RAB40C: variants seen among roughly 807,000 people sequenced by gnomAD.
RAB40C encodes ras-related protein Rab-40C.
RAB40C carries 8 observed loss-of-function variants against 28.1 expected under a neutral mutation model. The ratio of observed to expected loss-of-function variants is 0.28; its 90% CI spans 0.17 to 0.51. The LOEUF (loss-of-function observed/expected upper bound fraction) is 0.51, where lower values mean the gene tolerates loss of function less well. Ranked by LOEUF, RAB40C falls within the 20% of genes least tolerant of loss-of-function variation. The pLI, the probability that RAB40C is intolerant of heterozygous loss-of-function variation, is 0.97. For synonymous variants in RAB40C, 201 were observed against 171.7 expected (o/e 1.17, Z -1.34); for missense variants, 288 against 405.9 (o/e 0.71, Z 2.50).
chr16:600,351 A>G (rs2036223019), intron 1 of RAB40C, among the ~76,000 whole-genome samples: 1 of 152,250 alleles, frequency 6.6e-6, no homozygotes, highest in Non-Finnish European at 1.5e-5. Context: ...TATATGCAAA[A>G]TAGTAGTCAT....
intron 1 of RAB40C, 80 bp downstream of exon 1, chr16:590,513 GCCCTTCCA>G: frequency 1.4e-6 from 2 of 1,381,552 alleles, no homozygotes; most frequent in Non-Finnish European, 1.9e-6. Context: ...CCTCGGCCCG[GCCCTTCCA>G]AGCGCCGCCG....
intron 1 of RAB40C, among the ~76,000 whole-genome samples, chr16:601,429 C>T (rs909569398): frequency 4.6e-5 from 7 of 152,082 alleles, no homozygotes; most frequent in South Asian, 2.1e-4. Flanking sequence ...GCCCGGGTCG[C>T]CAGGATCCGG....
chr16:617,388 C>T, intron 2 of RAB40C, 120 bp downstream of exon 2: 1 of 1,162,814 alleles, frequency 8.6e-7, no homozygotes, highest in Non-Finnish European at 1.3e-6. Flanking sequence ...GAGCCACTTA[C>T]ACAGCCCCTG....
At chr16:618,144 G>A (rs1269788516) in intron 2 of RAB40C, 56 bp from the exon 3 acceptor site, 2 of 1,554,504 alleles carry the variant, frequency 1.3e-6, no homozygotes, top group Non-Finnish European at 1.8e-6. Flanking sequence ...GAGGGAAGGA[G>A]GTGAGCCTCT....
Position 590,207 on chromosome 16 carries a change from G to A in RAB40C, c.-85G>A. 1 of 1,075,220 alleles carries A rather than the reference G, an allele frequency of 9.3e-7. No individual in the cohort carries two copies. Among genetic ancestry groups the A allele is most frequent in the Non-Finnish European group, 1.2e-6 (1 of 868,654 alleles). The allele number at this position is 1,075,220 out of a possible 1,614,324, so 66.6% of individuals were successfully genotyped here. ...CGTGGGGCGGACGCAACGGGCGCAG[G>A]TGCGGGGCGCGGGCTCTCTCACGCC... is the stretch of plus-strand genomic sequence containing the variant. On this transcript the variant is annotated 5_prime_UTR_variant, in exon 1 of 6. The change creates a new upstream start codon in the 5' untranslated region. Transcript: ENST00000248139.
At chr16:621,328 C>T (rs2151078738) in intron 3 of RAB40C, among the ~76,000 whole-genome samples, 2 of 152,358 alleles carry the variant, frequency 1.3e-5, no homozygotes, top group African/African-American at 4.8e-5. Context: ...AGGTTTGCAG[C>T]AGGGTTTCTC....
In RAB40C at chr16:627,843, G is replaced by C; in HGVS notation, c.*221G>C. ...GCGGCTGGGCTGCTGGTGCTTCCGGGAATCTTGGTCGGAAACAAGCCGGGC... is the reference window on the plus strand; with the variant it reads ...GCGGCTGGGCTGCTGGTGCTTCCGGCAATCTTGGTCGGAAACAAGCCGGGC... On this transcript the variant is annotated 3_prime_UTR_variant, in exon 6 of 6. Transcript: ENST00000248139. 1 of 500,968 alleles carries C rather than the reference G, an allele frequency of 2.0e-6. No individual in the cohort carries two copies. 31.0% of individuals were successfully genotyped at this position (500,968 alleles called of 1,614,324 possible).
intron 3 of RAB40C, chr16:624,283 C>A: frequency 1.0e-6 from 1 of 985,444 alleles, no homozygotes; most frequent in South Asian, 4.7e-5. Flanking sequence ...CCTCCCCCAG[C>A]AGCAAATGAG....
chr16:627,952 T>C lies in RAB40C; in HGVS notation c.*330T>C. Reference sequence around the variant, plus strand: ...AGAGAACACTTCACTTTTTTGTACATTTTTAAGGGGCCTTCAGGGAAGCCT... The same window carrying C: ...AGAGAACACTTCACTTTTTTGTACACTTTTAAGGGGCCTTCAGGGAAGCCT... On this transcript the variant is annotated 3_prime_UTR_variant, in exon 6 of 6. Transcript: ENST00000248139. The C allele has an allele frequency of 3.5e-6, 1 of 283,176 alleles. No homozygotes were observed. 17.5% of individuals were successfully genotyped at this position (283,176 alleles called of 1,614,324 possible).
At chr16:613,377 G>C (rs1245715322) in intron 1 of RAB40C, among the ~76,000 whole-genome samples, 1 of 151,472 alleles carries the variant, frequency 6.6e-6, no homozygotes, top group Non-Finnish European at 1.5e-5. Flanking sequence ...AGATTGAAGA[G>C]CAGGGACTGC....
chr16:602,358 G>T (rs879534874), intron 1 of RAB40C, among the ~76,000 whole-genome samples: 22 of 151,030 alleles, frequency 1.5e-4, no homozygotes, highest in Admixed American at 9.3e-4. Context: ...GGGTTCTAGT[G>T]ATCCTCCCGC....
chr16:595,918 A>G (rs577982248), intron 1 of RAB40C, among the ~76,000 whole-genome samples: 2 of 152,338 alleles, frequency 1.3e-5, no homozygotes, highest in South Asian at 2.1e-4. Flanking sequence ...GTGCTGTTTT[A>G]TAAGTTGGAC....
chr16:619,580 C>A (rs973706792), intron 3 of RAB40C, among the ~76,000 whole-genome samples: 1 of 152,188 alleles, frequency 6.6e-6, no homozygotes, highest in Non-Finnish European at 1.5e-5. Context: ...TTGAGCGGGT[C>A]TGTCCTGTCT....
chr16:620,835 C>T (rs969753589), intron 3 of RAB40C, among the ~76,000 whole-genome samples: 3 of 150,532 alleles, frequency 2.0e-5, no homozygotes, highest in Non-Finnish European at 3.0e-5. Flanking sequence ...AGCCACCCCC[C>T]CCGACGGGCT....
intron 1 of RAB40C, among the ~76,000 whole-genome samples, chr16:604,896 C>T (rs1253838950): frequency 1.3e-5 from 2 of 152,110 alleles, no homozygotes; most frequent in East Asian, 3.8e-4. Flanking sequence ...CGTATCTCTA[C>T]TAAAAATACA....
chr16:606,489 T>C (rs1221009771), intron 1 of RAB40C, among the ~76,000 whole-genome samples: 1 of 143,284 alleles, frequency 7.0e-6, no homozygotes, highest in Non-Finnish European at 1.5e-5. Flanking sequence ...AGTCAAGGTG[T>C]TGGCTGACAC....
chr16:617,726 C>T (rs951732907), intron 2 of RAB40C, among the ~76,000 whole-genome samples: 4 of 152,118 alleles, frequency 2.6e-5, no homozygotes, highest in Non-Finnish European at 5.9e-5. Flanking sequence ...GCCTGTAGTC[C>T]CAGCCACTCA....
intron 3 of RAB40C, among the ~76,000 whole-genome samples, chr16:621,053 G>A (rs549604453): frequency 1.3e-4 from 20 of 152,378 alleles, no homozygotes; most frequent in African/African-American, 4.8e-4. Flanking sequence ...TTATGTCTTT[G>A]TTTTGTCTTG....
intron 1 of RAB40C, among the ~76,000 whole-genome samples, chr16:598,346 C>A (rs1313443854): frequency 2.0e-5 from 3 of 150,490 alleles, no homozygotes; most frequent in Non-Finnish European, 4.4e-5. Context: ...CCACTGACTC[C>A]AGCCTGGGTG....
Sources: allele counts gnomAD v4.1 joint callset (sites outside exome capture counted in the v4.1 genomes callset), GRCh38; gene constraint gnomAD v4.1.1; transcripts MANE v1.5; gene names NCBI Gene and HGNC (gene_info 2026-07-23, HGNC 2026-07-21).